Variants in NOC2L observed in about 807,000 individuals in gnomAD.
The protein encoded by NOC2L is nucleolar complex protein 2 homolog.
In NOC2L, 101 loss-of-function variants were observed where a neutral mutation model predicts 94.2. That is an observed-to-expected ratio of 1.07 (90% CI 0.91 to 1.26). The LOEUF (loss-of-function observed/expected upper bound fraction) is 1.26. NOC2L is among the 50% of genes most tolerant of loss of function. The pLI, the probability that NOC2L is intolerant of heterozygous loss-of-function variation, is 0.00. For synonymous variants in NOC2L, 531 were observed against 413.4 expected (o/e 1.28, Z -3.45); for missense variants, 1,076 against 980.1 (o/e 1.10, Z -1.31).
chr1:954,217 A>T (rs1642339165), intron 6 of NOC2L, 135 bp from the exon 7 acceptor site: 4 of 757,478 alleles, frequency 5.3e-6, no homozygotes, highest in Non-Finnish European at 8.5e-6. Context: ...CACTCAAAAA[A>T]GCTCAGGGCC....
At position 951,902 on chromosome 1, in the gene NOC2L, G is replaced by C. The variant is rs557192781; in HGVS notation, c.1331+98C>G. On this transcript the variant is annotated intron_variant, in intron 11 of 18. Transcript: ENST00000327044. Reference sequence around the variant, plus strand: ...AGGGACGGCCAGGACACAGACTCAGGCCCCAAGGCCCTGAACGCCAGAGGC... The same window carrying C: ...AGGGACGGCCAGGACACAGACTCAGCCCCCAAGGCCCTGAACGCCAGAGGC... 3.2e-4 allele frequency: 431 copies of C among 1,366,710 alleles called. 2 individuals are homozygous for C. The African/African-American group carries it at 5.7e-3, about 18-fold the overall frequency. The allele number at this position is 1,366,710 out of a possible 1,614,324, so 84.7% of individuals were successfully genotyped here.
In NOC2L at chr1:953,767, G is replaced by A. The variant is rs1378134035; in HGVS notation, c.888+15C>T. On this transcript the variant is annotated intron_variant, in intron 8 of 18. Transcript: ENST00000327044. ...GACCCCATGACAGACACAGGGAGGG[G>A]ACTGGGCCACGAACCTTGAGCAGCA... 3 of 1,587,228 alleles carry A rather than the reference G, an allele frequency of 1.9e-6. No individual in the cohort carries two copies. Among genetic ancestry groups the A allele is most frequent in the East Asian group, 2.2e-5 (1 of 44,738 alleles).
intron 17 of NOC2L, 128 bp from the exon 18 acceptor site, chr1:945,274 G>T: frequency 4.1e-6 from 5 of 1,216,102 alleles, no homozygotes; most frequent in Non-Finnish European, 5.7e-6. Flanking sequence ...CAGGTGGAGA[G>T]GAGCCCTGGG....
rs370709441 is a variant in NOC2L at position 956,170 on chromosome 1, G to A, written c.532C>T (p.Arg178Ter). Residue 178 changes from arginine (R) to a stop codon, truncating the protein, a stop_gained, in exon 5 of 19, where the codon CGA becomes TGA. Transcript: ENST00000327044. LOFTEE classifies it high-confidence loss of function. ...CCTCGGGTGGTGGCCACAGCTGCTC[G>A]GAACGCCTGTACCACTTCATGGAAC... ...KLFHEVVQAF[R>*]AAVATTRGDQ... 2.4e-5 allele frequency: 38 copies of A among 1,613,762 alleles called. No individual in the cohort carries two copies. The highest frequency in any genetic ancestry group is 3.0e-5 in the Non-Finnish European group (35 of 1,180,012).
intron 12 of NOC2L, among the ~76,000 whole-genome samples, chr1:949,300 C>T (rs2100382905): frequency 6.6e-6 from 1 of 152,282 alleles, no homozygotes; most frequent in South Asian, 2.1e-4. Context: ...TATGGGGGGC[C>T]CAAGGGTGGA....
intron 1 of NOC2L, 41 bp from the exon 2 acceptor site, chr1:959,122 C>G: frequency 6.2e-7 from 1 of 1,610,420 alleles, no homozygotes. Context: ...GCACGCCCAG[C>G]TCGCCCCAGC....
chr1:952,742 C>A, intron 9 of NOC2L, 142 bp from the exon 10 acceptor site: 2 of 775,534 alleles, frequency 2.6e-6, no homozygotes, highest in African/African-American at 1.7e-5. Context: ...ACAGCCCCCA[C>A]CCCCAAGTGC....
intron 14 of NOC2L, 90 bp downstream of exon 14, chr1:948,041 G>A (rs551446448): frequency 9.5e-7 from 1 of 1,049,644 alleles, no homozygotes; most frequent in South Asian, 1.5e-5. Flanking sequence ...AGGTACCCGG[G>A]ACAAGGGCAC....
Position 953,297 on chromosome 1 carries a change from GGTCAGAC to G in NOC2L, c.889-16_889-10del. 1 of 1,508,554 alleles carries G rather than the reference GGTCAGAC, an allele frequency of 6.6e-7. No homozygotes were observed. The highest frequency in any genetic ancestry group is 9.2e-7 in the Non-Finnish European group (1 of 1,084,498). The allele number at this position is 1,508,554 out of a possible 1,614,324, so 93.4% of individuals were successfully genotyped here. On this transcript the variant is annotated splice_polypyrimidine_tract_variant and intron_variant, in intron 8 of 18. Coordinates refer to ENST00000327044, the MANE Select transcript of NOC2L (RefSeq NM_015658.4). ...CATACGATCACCATTCTCTGCAGAA[GGTCAGAC>G]GTCACTGGTGGCCCCCCAGCCTCCT...
At chr1:959,147 C>CA in intron 1 of NOC2L, 66 bp from the exon 2 acceptor site, 1 of 1,612,068 alleles carries the variant, frequency 6.2e-7, no homozygotes, top group Non-Finnish European at 8.5e-7. Flanking sequence ...CTGAGAGGAG[C>CA]AAGAAAAGCC....
rs769688843 is a variant in NOC2L at position 944,815 on chromosome 1, G to A, written c.2144-15C>T. On this transcript the variant is annotated splice_polypyrimidine_tract_variant and intron_variant, in intron 18 of 18. Transcript: ENST00000327044. Reference sequence around the variant, plus strand: ...TGGGTCTCCATCTGCGGGGAGAGATGGAGGCTACATAAATTTTGCTTTATC... The same window carrying A: ...TGGGTCTCCATCTGCGGGGAGAGATAGAGGCTACATAAATTTTGCTTTATC... 8.5e-6 allele frequency: 13 copies of A among 1,524,704 alleles called. No individual in the cohort carries two copies. Among genetic ancestry groups the A allele is most frequent in the East Asian group, 4.5e-5 (2 of 43,978 alleles). 94.4% of individuals were successfully genotyped at this position (1,524,704 alleles called of 1,614,324 possible). A position where few individuals can be genotyped will look rare whatever the true frequency, so the allele number is the denominator to read the frequency against.
intron 11 of NOC2L, 145 bp from the exon 12 acceptor site, chr1:951,383 C>T (rs1471373028): frequency 1.5e-6 from 1 of 653,630 alleles, no homozygotes; most frequent in African/African-American, 1.8e-5. Flanking sequence ...GGGACCTGCA[C>T]CCCTTGCCCA....
rs1557620032 is a variant in NOC2L, at chr1:952,411, C to A, written c.1191+1G>T. ...GAGCCTGGAAGGGCCCCACCACACA[C>A]CTTCTTGCGAGTGGTCATGGCGTTG... On this transcript the variant is annotated splice_donor_variant, in intron 10 of 18. Transcript: ENST00000327044. LOFTEE classifies it high-confidence loss of function. 1.9e-6 allele frequency: 3 copies of A among 1,613,126 alleles called. No homozygotes were observed. The highest frequency in any genetic ancestry group is 2.5e-6 in the Non-Finnish European group (3 of 1,179,682).
rs757065209 is a variant in NOC2L, at chr1:952,616, G to A, written c.1003-16C>T. 6.2e-7 allele frequency: 1 copy of A among 1,613,246 alleles called. No individual in the cohort carries two copies. Among genetic ancestry groups the A allele is most frequent in the Non-Finnish European group, 8.5e-7 (1 of 1,179,916 alleles). ...TGTACATTTGCTGCGGAGAGACCCG[G>A]GTCAGAGCCACCTGGGATCAGGGCC... is the stretch of plus-strand genomic sequence containing the variant. On this transcript the variant is annotated splice_polypyrimidine_tract_variant and intron_variant, in intron 9 of 18. Transcript: ENST00000327044.
intron 4 of NOC2L, among the ~76,000 whole-genome samples, chr1:956,632 C>T (rs58879223): frequency 0.052 from 7,877 of 152,234 alleles, 673 homozygotes; most frequent in African/African-American, 0.18. Context: ...TGGAATCTAC[C>T]CAAAAGTGAA....
chr1:956,525 G>T (rs1252853138), intron 4 of NOC2L, among the ~76,000 whole-genome samples: 1 of 152,088 alleles, frequency 6.6e-6, no homozygotes, highest in African/African-American at 2.4e-5. Flanking sequence ...CACTGTGAGA[G>T]GCTCAGAAGG....
intron 17 of NOC2L, 159 bp downstream of exon 17, chr1:945,359 G>C (rs942667210): frequency 7.9e-6 from 8 of 1,010,044 alleles, no homozygotes; most frequent in East Asian, 2.6e-5. Flanking sequence ...GAGGGAAGGC[G>C]CTGGCACCAG....
At position 944,350 on chromosome 1, in the gene NOC2L, C is replaced by T. The variant is rs758798279; in HGVS notation, c.*344G>A. 9.5e-6 allele frequency: 13 copies of T among 1,366,834 alleles called. No homozygotes were observed. Among genetic ancestry groups the T allele is most frequent in the Admixed American group, 3.5e-5 (1 of 28,198 alleles). 84.7% of individuals were successfully genotyped at this position (1,366,834 alleles called of 1,614,324 possible). On this transcript the variant is annotated 3_prime_UTR_variant, in exon 19 of 19. Coordinates refer to ENST00000327044, the MANE Select transcript of NOC2L (RefSeq NM_015658.4). ...GAAGGCAGAGCCTGGTGCAGATGGACGAGGTCTGCAGACGGAGGGCAGAGG... is the reference window on the plus strand; with the variant it reads ...GAAGGCAGAGCCTGGTGCAGATGGATGAGGTCTGCAGACGGAGGGCAGAGG...
intron 14 of NOC2L, chr1:946,796 G>A (rs754054120): frequency 7.1e-5 from 30 of 422,348 alleles, no homozygotes; most frequent in Admixed American, 1.6e-4. Context: ...GGTGGCTCTC[G>A]CCTGTAATCC....
Sources: allele counts gnomAD v4.1 joint callset (sites outside exome capture counted in the v4.1 genomes callset), GRCh38; gene constraint gnomAD v4.1.1; transcripts MANE v1.5; gene names NCBI Gene and HGNC (gene_info 2026-07-23, HGNC 2026-07-21).